EEA1: variants seen among roughly 807,000 people sequenced by gnomAD.
EEA1 encodes early endosome antigen 1, 162kD.
A neutral mutation model predicts 209.2 loss-of-function variants in EEA1; 111 were observed. The observed-to-expected ratio is 0.53, with a 90% confidence interval of 0.45 to 0.62. The LOEUF is 0.62. Among genes scored for constraint, EEA1 ranks in the 20% least tolerant of loss-of-function variants. The pLI, the probability that EEA1 is intolerant of heterozygous loss-of-function variation, is 0.00. For missense variants in EEA1, 1,343 were observed against 1,530.8 expected (o/e 0.88, Z 2.05); for synonymous variants, 536 against 540.6 (o/e 0.99, Z 0.12).
Position 92,802,679 on chromosome 12 carries a change from T to C in EEA1, c.2395A>G (p.Lys799Glu). 6.2e-7 allele frequency: 1 copy of C among 1,605,506 alleles called. No individual in the cohort carries two copies. Among genetic ancestry groups the C allele is most frequent in the Non-Finnish European group, 8.5e-7 (1 of 1,177,828 alleles). Residue 799 changes from lysine to glutamate, a missense_variant, in exon 19 of 29, where the codon AAG becomes GAG. Transcript: ENST00000322349. ...QKKSEALESI[K>E]QKLTKQEEEK... ...TCCTCTTGCTTGGTAAGCTTTTGCT[T>C]GATACTTTCAAGGGCTTCAGATTTT... is the stretch of plus-strand genomic sequence containing the variant.
intron 5 of EEA1, among the ~76,000 whole-genome samples, chr12:92,854,445 A>G (rs936007629): frequency 6.6e-6 from 1 of 152,130 alleles, no homozygotes; most frequent in African/African-American, 2.4e-5. Flanking sequence ...TACCTGTTAG[A>G]CCCCATATGT....
chr12:92,921,444 T>G (rs1187151086), intron 1 of EEA1, among the ~76,000 whole-genome samples: 1 of 96,536 alleles, frequency 1.0e-5, no homozygotes, highest in African/African-American at 4.9e-5. Context: ...TTCATATCCT[T>G]TGTAGGGACA....
intron 27 of EEA1, 86 bp from the exon 28 acceptor site, chr12:92,777,028 ATAAAATTT>A: frequency 7.0e-7 from 1 of 1,437,498 alleles, no homozygotes; most frequent in Non-Finnish European, 9.6e-7. Context: ...CCAGAGTTCT[ATAAAATTT>A]TGACTATATG....
At position 92,890,902 on chromosome 12, in the gene EEA1, T is replaced by A. The variant is rs190157598; in HGVS notation, c.117+727A>T. 7.2e-5 allele frequency among the ~76,000 whole-genome samples: 11 copies of A among 151,974 alleles called. No individual in the cohort carries two copies. The East Asian group carries it at 2.1e-3, about 29-fold the overall frequency. ...ATACACAGACTCATCAACCAAGAGG[T>A]GGAGAAGAGGATAGCAGAGAAAAAA... On this transcript the variant is annotated intron_variant, in intron 2 of 28. Transcript: ENST00000322349.
chr12:92,859,892 T>C (rs1878059363), intron 3 of EEA1, among the ~76,000 whole-genome samples: 1 of 152,222 alleles, frequency 6.6e-6, no homozygotes, highest in Admixed American at 6.5e-5. Flanking sequence ...TTTCTAATTA[T>C]GAGCTCTTTG....
intron 2 of EEA1, among the ~76,000 whole-genome samples, chr12:92,889,155 T>C (rs1271539376): frequency 6.8e-6 from 1 of 146,124 alleles, no homozygotes; most frequent in Non-Finnish European, 1.5e-5. Flanking sequence ...CTCAAAAACA[T>C]TAAAAAAAAA....
chr12:92,789,395 C>G (rs1376170004), intron 21 of EEA1, among the ~76,000 whole-genome samples: 2 of 152,034 alleles, frequency 1.3e-5, no homozygotes, highest in Non-Finnish European at 2.9e-5. Flanking sequence ...CAACTGACTC[C>G]CAAACTTATG....
intron 10 of EEA1, among the ~76,000 whole-genome samples, chr12:92,837,683 GTTTTT>G (rs1021460534): frequency 6.6e-6 from 1 of 152,128 alleles, no homozygotes; most frequent in African/African-American, 2.4e-5. Context: ...TTTCCATTAT[GTTTTT>G]AAGTTTTCAA....
At chr12:92,822,137 C>T (rs1363327205) in intron 13 of EEA1, among the ~76,000 whole-genome samples, 7 of 151,878 alleles carry the variant, frequency 4.6e-5, no homozygotes, top group Admixed American at 3.3e-4. Context: ...TCCGTTACCT[C>T]GTAGCTTCTT....
intron 5 of EEA1, 104 bp from the exon 6 acceptor site, chr12:92,854,058 A>G: frequency 1.1e-6 from 1 of 873,504 alleles, no homozygotes; most frequent in Non-Finnish European, 1.7e-6. Flanking sequence ...TCTTTCAGGT[A>G]AGTAGTAAGA....
intron 13 of EEA1, among the ~76,000 whole-genome samples, chr12:92,822,277 A>C (rs969754974): frequency 2.0e-5 from 3 of 152,072 alleles, no homozygotes; most frequent in African/African-American, 7.2e-5. Flanking sequence ...CCCATGACAC[A>C]TCCCTCTCCA....
In EEA1 at chr12:92,885,538, T is replaced by C. The variant is rs114700367; in HGVS notation, c.117+6091A>G. Among the ~76,000 whole-genome samples, 1,245 of 152,330 alleles carry C rather than the reference T, an allele frequency of 8.2e-3. 26 individuals are homozygous for C. The highest frequency in any genetic ancestry group is 0.028 in the African/African-American group (1,147 of 41,568). On this transcript the variant is annotated intron_variant, in intron 2 of 28. Coordinates refer to ENST00000322349, the MANE Select transcript of EEA1 (RefSeq NM_003566.4). ...TCCATAACCACTAATAGCCCTCAAT[T>C]AGATTAGCAGTCAGAATGTATGCTA... is the stretch of plus-strand genomic sequence containing the variant.
In EEA1 at chr12:92,779,185, A is replaced by G. The variant is rs1873790245; in HGVS notation, c.3584T>C (p.Ile1195Thr). ...TTCCTTTTTCACCTGGTCTTTTAGTATCTGCTGATTTCTCTTCTCCTGTTC... is the reference window on the plus strand; with the variant it reads ...TTCCTTTTTCACCTGGTCTTTTAGTGTCTGCTGATTTCTCTTCTCCTGTTC... Reference protein sequence around the residue: ...AVEQEKRNQQILKDQVKKEEE... With the variant: ...AVEQEKRNQQTLKDQVKKEEE... Residue 1195 changes from isoleucine to threonine, a missense_variant, in exon 25 of 29, where the codon ATA (isoleucine) becomes ACA (threonine). Transcript: ENST00000322349. 6.2e-7 allele frequency: 1 copy of G among 1,611,628 alleles called. No individual in the cohort carries two copies. Among genetic ancestry groups the G allele is most frequent in the Non-Finnish European group, 8.5e-7 (1 of 1,179,344 alleles).
chr12:92,826,138 C>A (rs759350901), intron 13 of EEA1, 28 bp downstream of exon 13: 1 of 1,606,968 alleles, frequency 6.2e-7, no homozygotes, highest in Non-Finnish European at 8.5e-7. Flanking sequence ...TTTGTGTTTA[C>A]AAGGCTAATA....
intron 1 of EEA1, among the ~76,000 whole-genome samples, chr12:92,898,225 T>C (rs1265037665): frequency 6.6e-6 from 1 of 152,230 alleles, no homozygotes; most frequent in African/African-American, 2.4e-5. Flanking sequence ...TTTTATTTTA[T>C]ATTCTGGATA....
At chr12:92,899,176 T>C (rs188447612) in intron 1 of EEA1, among the ~76,000 whole-genome samples, 121 of 151,352 alleles carry the variant, frequency 8.0e-4, no homozygotes, top group Non-Finnish European at 1.1e-3. Flanking sequence ...GGGTCTCCAT[T>C]TGGTTGTCGA....
At chr12:92,917,661 C>T (rs1202806899) in intron 1 of EEA1, among the ~76,000 whole-genome samples, 12 of 151,014 alleles carry the variant, frequency 7.9e-5, no homozygotes, top group Non-Finnish European at 1.2e-4. Flanking sequence ...TAAAGACCAT[C>T]GAGACTAGGA....
In EEA1 at chr12:92,875,464, C is replaced by A. The variant is rs151284712; in HGVS notation, c.118-10477G>T. ...AAAGAAAAACTTACATTTTATGCCC[C>A]ACTAATCAGAAAATCCTATTAAATC... On this transcript the variant is annotated intron_variant, in intron 2 of 28. Transcript: ENST00000322349. Among the ~76,000 whole-genome samples, 17 of 152,000 alleles carry A rather than the reference C, an allele frequency of 1.1e-4. No homozygotes were observed. In the East Asian group the frequency reaches 1.5e-3, roughly 14 times the overall value.
At chr12:92,812,926 T>G in intron 16 of EEA1, 54 bp downstream of exon 16, 1 of 1,264,218 alleles carries the variant, frequency 7.9e-7, no homozygotes, top group East Asian at 2.5e-5. Context: ...GTTTGCAATT[T>G]ATTTATCTAC....
Sources: gnomAD v4.1 joint callset for allele counts (sites outside exome capture counted in the v4.1 genomes callset) on GRCh38, gnomAD v4.1.1 for gene constraint, MANE v1.5 for transcripts, NCBI Gene and HGNC (gene_info 2026-07-23, HGNC 2026-07-21) for gene names.